The following MTA3 variants were observed in gnomAD, a reference collection of about 807,000 sequenced individuals.
The protein encoded by MTA3 is metastasis associated 1 family member 3.
MTA3 carries 34 observed loss-of-function variants against 83.5 expected under a neutral mutation model. The observed-to-expected ratio is 0.41, with a 90% CI of 0.31 to 0.54. The LOEUF is 0.54. Ranked by LOEUF, MTA3 falls within the 20% of genes least tolerant of loss-of-function variation. MTA3 has a pLI of 0.33. For synonymous variants in MTA3, 303 were observed against 252.7 expected, an observed-to-expected ratio of 1.20 and a Z score of -1.89; for missense variants, 761 against 726.4, an observed-to-expected ratio of 1.05 and a Z score of -0.55.
intron 8 of MTA3, among the ~76,000 whole-genome samples, chr2:42,666,858 G>A (rs1015109215): frequency 6.6e-5 from 10 of 152,040 alleles, no homozygotes; most frequent in African/African-American, 2.4e-4. Context: ...TCTTTCTCTG[G>A]GACATAGGTT....
intron 2 of MTA3, 99 bp from the exon 3 acceptor site, chr2:42,579,008 T>C: frequency 5.3e-6 from 4 of 752,130 alleles, no homozygotes; most frequent in Middle Eastern, 8.0e-4. Context: ...CCAGTGTTAA[T>C]GAGCATGATC....
intron 2 of MTA3, among the ~76,000 whole-genome samples, chr2:42,551,233 C>T (rs1169935960): frequency 6.6e-6 from 1 of 151,910 alleles, no homozygotes; most frequent in Non-Finnish European, 1.5e-5. Context: ...CTCTGTCGCC[C>T]AGGCTGTAGT....
intron 14 of MTA3, among the ~76,000 whole-genome samples, chr2:42,714,912 GCTGTCC>G (rs1666919069): frequency 6.6e-6 from 1 of 152,184 alleles, no homozygotes; most frequent in Non-Finnish European, 1.5e-5. Flanking sequence ...ATGCTCACCT[GCTGTCC>G]GGCCCAGTTC....
chr2:42,532,076 T>C (rs1173398256), intron 2 of MTA3, among the ~76,000 whole-genome samples: 1 of 152,248 alleles, frequency 6.6e-6, no homozygotes, highest in Non-Finnish European at 1.5e-5. Flanking sequence ...TTTTTAATGC[T>C]ACAATTATGA....
intron 15 of MTA3, among the ~76,000 whole-genome samples, chr2:42,720,188 A>G (rs1667304675): frequency 1.3e-5 from 2 of 150,496 alleles, no homozygotes; most frequent in Non-Finnish European, 3.0e-5. Flanking sequence ...TATTTTATTT[A>G]TTTATTTTTT....
chr2:42,741,283 G>C (rs1041034161), intron 16 of MTA3, among the ~76,000 whole-genome samples: 6 of 152,184 alleles, frequency 3.9e-5, no homozygotes, highest in African/African-American at 1.4e-4. Flanking sequence ...GTTTGATCTT[G>C]TATTCAGGCC....
intron 8 of MTA3, among the ~76,000 whole-genome samples, chr2:42,681,711 T>G (rs952624933): frequency 6.6e-6 from 1 of 151,708 alleles, no homozygotes; most frequent in Non-Finnish European, 1.5e-5. Context: ...GGTCTCACTA[T>G]GTTGCCCACA....
chr2:42,645,915 A>G (rs1253644582), intron 6 of MTA3, among the ~76,000 whole-genome samples: 2 of 152,364 alleles, frequency 1.3e-5, no homozygotes, highest in Admixed American at 6.5e-5. Flanking sequence ...ACAGCTTTCT[A>G]TTGGAAGAAG....
intron 2 of MTA3, 131 bp downstream of exon 2, chr2:42,570,635 G>A (rs1678359745): frequency 6.4e-6 from 3 of 471,962 alleles, no homozygotes; most frequent in Admixed American, 3.6e-5. Flanking sequence ...CTGGCGAGTG[G>A]ATAGCTTGAG....
intron 3 of MTA3, among the ~76,000 whole-genome samples, chr2:42,604,862 T>A (rs1400573966): frequency 1.3e-5 from 2 of 148,820 alleles, no homozygotes; most frequent in Admixed American, 1.3e-4. Flanking sequence ...TAACCCTGAG[T>A]GGACACAGCA....
intron 2 of MTA3, among the ~76,000 whole-genome samples, chr2:42,577,849 C>A (rs538608873): frequency 1.3e-5 from 2 of 152,222 alleles, no homozygotes; most frequent in East Asian, 3.9e-4. Context: ...CAAGGCATAT[C>A]TCAAGAAGAC....
intron 4 of MTA3, among the ~76,000 whole-genome samples, chr2:42,634,114 A>G (rs1261377308): frequency 2.0e-5 from 3 of 152,252 alleles, no homozygotes; most frequent in South Asian, 2.1e-4. Flanking sequence ...ATGCTGCTCA[A>G]CATCCTGTAG....
At position 42,635,519 on chromosome 2, in the gene MTA3, T is replaced by C. The variant is rs1291509453; in HGVS notation, c.318-4654T>C. The stretch of plus-strand genomic sequence containing the variant: ...GGTGGGCATCTGTAATCCCAGCTAG[T>C]TGAGAGGCTGAGTCAGCAGAATCAC... On this transcript the variant is annotated intron_variant, in intron 4 of 16. Transcript: ENST00000405094. Among the ~76,000 whole-genome samples the C allele has an allele frequency of 5.9e-5, 9 of 151,964 alleles. No individual in the cohort carries two copies. The East Asian group carries it at 1.7e-3, about 29-fold the overall frequency.
rs566851538 is a variant in MTA3 at position 42,585,913 on chromosome 2, G to A, written c.190+6713G>A. Among the ~76,000 whole-genome samples the A allele has an allele frequency of 2.0e-5, 3 of 152,224 alleles. No homozygotes were observed. In the South Asian group the frequency reaches 6.2e-4, roughly 32 times the overall value. On this transcript the variant is annotated intron_variant, in intron 3 of 16. Transcript: ENST00000405094. ...TGATTGAGCAATTGCATTCCAGCCT[G>A]GGCAATAGAGTGACACCTGTGTCTC... is the stretch of plus-strand genomic sequence containing the variant.
chr2:42,615,708 CTTCTTTTTTTTT>C (rs1558503984), intron 4 of MTA3, among the ~76,000 whole-genome samples: 2 of 56,878 alleles, frequency 3.5e-5, no homozygotes, highest in Non-Finnish European at 6.8e-5. Flanking sequence ...TGAATAATCT[CTTCTTTTTTTTT>C]TTTTTTTTTT....
At chr2:42,649,977 G>C (rs1372593355) in intron 6 of MTA3, among the ~76,000 whole-genome samples, 2 of 151,930 alleles carry the variant, frequency 1.3e-5, no homozygotes, top group Admixed American at 1.3e-4. Context: ...CTTTTTTTTG[G>C]AATGCTCTGG....
intron 4 of MTA3, among the ~76,000 whole-genome samples, chr2:42,635,815 C>T (rs1259421589): frequency 1.3e-5 from 2 of 151,950 alleles, no homozygotes; most frequent in African/African-American, 2.4e-5. Flanking sequence ...CACCCAGGCT[C>T]GAGTGCAGTG....
intron 2 of MTA3, among the ~76,000 whole-genome samples, chr2:42,532,549 C>G (rs1676029352): frequency 6.6e-6 from 1 of 152,122 alleles, no homozygotes; most frequent in South Asian, 2.1e-4. Context: ...TGGCTGTTTT[C>G]TAACCAATTC....
At position 42,594,775 on chromosome 2, in the gene MTA3, G is replaced by A. The variant is rs1310038931; in HGVS notation, c.191-14683G>A. Among the ~76,000 whole-genome samples the A allele has an allele frequency of 3.8e-3, 168 of 44,058 alleles. 1 individual carries two copies. Among genetic ancestry groups the A allele is most frequent in the Non-Finnish European group, 5.3e-3 (141 of 26,576 alleles). 28.9% of individuals were successfully genotyped at this position (44,058 alleles called of 152,430 possible). On this transcript the variant is annotated intron_variant, in intron 3 of 16. Transcript: ENST00000405094. ...AGAGTCTCACTCTGTTGCCCAGGCT[G>A]GAGTCCAGTGGCGCGATCTCAGCTC... is the stretch of plus-strand genomic sequence containing the variant.
Sources: gnomAD v4.1 joint callset for allele counts (sites outside exome capture counted in the v4.1 genomes callset) on GRCh38, gnomAD v4.1.1 for gene constraint, MANE v1.5 for transcripts, NCBI Gene and HGNC (gene_info 2026-07-23, HGNC 2026-07-21) for gene names.